Variants in ANO2 observed in about 807,000 individuals in gnomAD.
ANO2 encodes the protein anoctamin 2.
Under a neutral mutation model 124.2 loss-of-function variants are expected in ANO2, and 101 were observed. The observed-to-expected ratio is 0.81, with a 90% CI of 0.69 to 0.96. The LOEUF is 0.96. Among genes scored for constraint, ANO2 ranks in the 40% least tolerant of loss-of-function variants. The pLI, the probability that ANO2 is intolerant of heterozygous loss-of-function variation, is 0.00. For synonymous variants in ANO2, 486 were observed against 482.5 expected (o/e 1.01, Z -0.09); for missense variants, 1,293 against 1,274.5 (o/e 1.01, Z -0.22).
At chr12:5,807,469 G>A (rs1341678603) in intron 7 of ANO2, 101 bp from the exon 8 acceptor site, 1 of 932,640 alleles carries the variant, frequency 1.1e-6, no homozygotes, top group Non-Finnish European at 1.6e-6. Context: ...CCCCCCAGTT[G>A]AGAATCACTG....
At chr12:5,720,002 A>C (rs530442498) in intron 14 of ANO2, among the ~76,000 whole-genome samples, 3 of 148,136 alleles carry the variant, frequency 2.0e-5, no homozygotes, top group African/African-American at 5.0e-5. Context: ...AAGTAAGGAC[A>C]TTTTTTTTTT....
rs1955312304 is a variant in ANO2 at position 5,862,794 on chromosome 12, TTC to T, written c.535-8655_535-8654del. On this transcript the variant is annotated intron_variant, in intron 3 of 24. Transcript: ENST00000682330. The surrounding 1 kb of genome is among the most constrained non-coding windows in gnomAD (Gnocchi z 4.0). ...TATAAGGGAAAACCTCTTTCTTTCT[TTC>T]TTTCTTTTTTTGAGACAAAATTTCG... 6.6e-6 allele frequency among the ~76,000 whole-genome samples: 1 copy of T among 152,062 alleles called. No individual in the cohort carries two copies. The highest frequency in any genetic ancestry group is 2.4e-5 in the African/African-American group (1 of 41,384).
At position 5,868,373 on chromosome 12, in the gene ANO2, C is replaced by T. The variant is rs1955487099; in HGVS notation, c.535-14232G>A. On this transcript the variant is annotated intron_variant, in intron 3 of 24. Transcript: ENST00000682330. ...GCTCTGCCACTTACTCCCTGTGTGA[C>T]GTTGATATGTAACATGATCTCTCTG... Among the ~76,000 whole-genome samples the T allele has an allele frequency of 5.3e-5, 8 of 152,078 alleles. No individual in the cohort carries two copies. In the South Asian group the frequency reaches 1.7e-3, roughly 32 times the overall value.
At chr12:5,659,556 C>T (rs1947340285) in intron 14 of ANO2, among the ~76,000 whole-genome samples, 1 of 152,216 alleles carries the variant, frequency 6.6e-6, no homozygotes, top group African/African-American at 2.4e-5. Context: ...TGGCACAGCA[C>T]CTAAGTCTGC....
intron 15 of ANO2, among the ~76,000 whole-genome samples, chr12:5,640,354 A>G (rs185810641): frequency 3.9e-5 from 6 of 152,224 alleles, no homozygotes; most frequent in African/African-American, 1.4e-4. Context: ...TCTAAGCACC[A>G]CCCTGACCCC....
chr12:5,807,243 G>T, intron 8 of ANO2, 70 bp downstream of exon 8: 1 of 1,382,082 alleles, frequency 7.2e-7, no homozygotes, highest in Non-Finnish European at 9.9e-7. Flanking sequence ...CCATCTCACT[G>T]CCACTGAAAA....
intron 4 of ANO2, among the ~76,000 whole-genome samples, chr12:5,843,809 A>G (rs1954600027): frequency 6.6e-6 from 1 of 152,200 alleles, no homozygotes; most frequent in Non-Finnish European, 1.5e-5. Flanking sequence ...TGGGCAGAGG[A>G]AGCATCAATG....
Position 5,901,109 on chromosome 12 carries a change from C to A in ANO2, c.534+19931G>T, listed in dbSNP as rs114411169. On this transcript the variant is annotated intron_variant, in intron 3 of 24. Coordinates refer to ENST00000682330, the MANE Select transcript of ANO2 (RefSeq NM_001364791.2). ...ATACCGAGCAAGGCTGCAGCGGTGGCTGCAAGAGGGACCTGGAGATGTTAG... is the reference window on the plus strand; with the variant it reads ...ATACCGAGCAAGGCTGCAGCGGTGGATGCAAGAGGGACCTGGAGATGTTAG... Among the ~76,000 whole-genome samples the A allele has an allele frequency of 3.7e-3, 564 of 152,300 alleles. 4 individuals are homozygous for A. Among genetic ancestry groups the A allele is most frequent in the African/African-American group, 0.013 (548 of 41,552 alleles).
At chr12:5,577,872 G>T in intron 22 of ANO2, 83 bp downstream of exon 22, 1 of 1,404,430 alleles carries the variant, frequency 7.1e-7, no homozygotes, top group Non-Finnish European at 9.9e-7. Flanking sequence ...GGAGGTGCAA[G>T]GGCTGGCTTC....
chr12:5,674,716 T>C (rs1948158698), intron 14 of ANO2, among the ~76,000 whole-genome samples: 1 of 152,206 alleles, frequency 6.6e-6, no homozygotes, highest in Admixed American at 6.5e-5. Flanking sequence ...TTGCTGGGTT[T>C]GAATCCTGTC....
chr12:5,780,714 T>G (rs1177598832), intron 10 of ANO2, among the ~76,000 whole-genome samples: 1 of 152,004 alleles, frequency 6.6e-6, no homozygotes, highest in Non-Finnish European at 1.5e-5. Flanking sequence ...ACACACCAGC[T>G]GGGAAACTCA....
chr12:5,879,928 A>G (rs1938366747), intron 3 of ANO2, among the ~76,000 whole-genome samples: 1 of 152,240 alleles, frequency 6.6e-6, no homozygotes, highest in Admixed American at 6.5e-5. Flanking sequence ...TGGAAAGATC[A>G]CTCTGATAGA....
At chr12:5,631,782 G>A (rs186934738) in intron 16 of ANO2, among the ~76,000 whole-genome samples, 161 of 152,310 alleles carry the variant, frequency 1.1e-3, no homozygotes, top group South Asian at 5.2e-3. Flanking sequence ...ACCATGAGCT[G>A]AGTGGGTCAG....
At chr12:5,568,178 C>T (rs1308069217) in intron 23 of ANO2, among the ~76,000 whole-genome samples, 2 of 129,964 alleles carry the variant, frequency 1.5e-5, no homozygotes, top group African/African-American at 5.9e-5. Context: ...CTCGCTCTGT[C>T]GCCCAGGCTG....
At chr12:5,897,970 A>G (rs1375774021) in intron 3 of ANO2, among the ~76,000 whole-genome samples, 1 of 152,168 alleles carries the variant, frequency 6.6e-6, no homozygotes, top group African/African-American at 2.4e-5. Flanking sequence ...GAGTGAGAAG[A>G]AGATATTTGC....
At chr12:5,645,276 G>A (rs1946572621) in intron 15 of ANO2, among the ~76,000 whole-genome samples, 1 of 152,044 alleles carries the variant, frequency 6.6e-6, no homozygotes, top group African/African-American at 2.4e-5. Context: ...TTGTTGTTAA[G>A]TCTATCCATG....
At chr12:5,574,463 T>C (rs1942294466) in intron 23 of ANO2, among the ~76,000 whole-genome samples, 1 of 151,430 alleles carries the variant, frequency 6.6e-6, no homozygotes, top group Non-Finnish European at 1.5e-5. Context: ...AAATTCATCA[T>C]ATGTAGCATA....
chr12:5,671,888 G>A (rs757292359), intron 14 of ANO2, among the ~76,000 whole-genome samples: 1 of 152,114 alleles, frequency 6.6e-6, no homozygotes, highest in Non-Finnish European at 1.5e-5. Context: ...TTGAGCTCTT[G>A]CAGCAACACA....
intron 3 of ANO2, among the ~76,000 whole-genome samples, chr12:5,884,822 C>T (rs1938768946): frequency 6.6e-6 from 1 of 152,194 alleles, no homozygotes; most frequent in Admixed American, 6.5e-5. Flanking sequence ...CCTCCCACAG[C>T]ATGATGAAGA....
Sources: allele counts gnomAD v4.1 joint callset (sites outside exome capture counted in the v4.1 genomes callset), GRCh38; gene constraint gnomAD v4.1.1; non-coding constraint Gnocchi (gnomAD v3.1); transcripts MANE v1.5; gene names NCBI Gene and HGNC (gene_info 2026-07-23, HGNC 2026-07-21).